The following IDUA variants were observed in gnomAD, a reference collection of about 807,000 sequenced individuals.
IDUA encodes iduronidase alpha-L-.
In IDUA, 65 loss-of-function variants were observed where a neutral mutation model predicts 68.9. The observed-to-expected ratio is 0.94, with a 90% CI of 0.77 to 1.16. IDUA has a LOEUF of 1.16. IDUA is among the 50% of genes most tolerant of loss of function. The pLI, the probability that IDUA is intolerant of heterozygous loss-of-function variation, is 0.00. For missense variants in IDUA, 1,046 were observed against 938.0 expected, an observed-to-expected ratio of 1.12 and a Z score of -1.50; for synonymous variants, 529 against 433.6, an observed-to-expected ratio of 1.22 and a Z score of -2.73.
At position 1,001,583 on chromosome 4, in the gene IDUA, G is replaced by T; in HGVS notation, c.589+20G>T. On this transcript the variant is annotated intron_variant, in intron 5 of 13. Transcript: ENST00000514224. Reference sequence around the variant, plus strand: ...TGCAAGGTGTGCACCGCTTCCTGGGGTCCTGCCCGGCTGAAAGGGGGCAGA... The same window carrying T: ...TGCAAGGTGTGCACCGCTTCCTGGGTTCCTGCCCGGCTGAAAGGGGGCAGA... 6.2e-7 allele frequency: 1 copy of T among 1,612,208 alleles called. No homozygotes were observed. The highest frequency in any genetic ancestry group is 8.5e-7 in the Non-Finnish European group (1 of 1,179,338).
Position 1,004,490 on chromosome 4 carries a change from T to G in IDUA, c.*97T>G. The G allele has an allele frequency of 1.2e-5, 13 of 1,129,602 alleles. No individual in the cohort carries two copies. Among genetic ancestry groups the G allele is most frequent in the African/African-American group, 1.6e-5 (1 of 63,358 alleles). The allele number at this position is 1,129,602 out of a possible 1,614,324, so 70.0% of individuals were successfully genotyped here. ...TGCCCTCCCATCACCCCCTTTGCAATATATTTTTATATTTTATTATTTTCT... is the reference window on the plus strand; with the variant it reads ...TGCCCTCCCATCACCCCCTTTGCAAGATATTTTTATATTTTATTATTTTCT... On this transcript the variant is annotated 3_prime_UTR_variant, in exon 14 of 14. Transcript: ENST00000514224. The surrounding 1 kb of genome is among the most constrained non-coding windows in gnomAD (Gnocchi z 5.0).
intron 2 of IDUA, chr4:989,578 AG>A (rs779826604): frequency 5.0e-6 from 8 of 1,596,206 alleles, no homozygotes; most frequent in Non-Finnish European, 6.8e-6. Flanking sequence ...CACCTTGCGC[AG>A]GGCCCCCCGC....
chr4:988,607 G>T, intron 2 of IDUA: 2 of 1,374,614 alleles, frequency 1.5e-6, no homozygotes, highest in Non-Finnish European at 1.9e-6. Flanking sequence ...CTGTGGGCCA[G>T]CCTGTCTCGG....
At chr4:992,186 AAGCCTGAGTCC>A in intron 2 of IDUA, 1 of 461,288 alleles carries the variant, frequency 2.2e-6, no homozygotes, top group South Asian at 1.5e-5. Flanking sequence ...AGGTGCAGGC[AAGCCTGAGTCC>A]AGCTGCTCCG....
chr4:1,000,808 G>A, intron 3 of IDUA, 74 bp from the exon 4 acceptor site: 1 of 1,506,626 alleles, frequency 6.6e-7, no homozygotes, highest in East Asian at 2.3e-5. Flanking sequence ...GCTGGCCTTG[G>A]TGCCGGAGCA....
At chr4:987,021 T>C (rs1473070711), upstream of IDUA, 3 of 1,306,240 alleles carry the variant, frequency 2.3e-6, no homozygotes, top group Admixed American at 2.3e-5. Flanking sequence ...GCGCCCAGAC[T>C]CCGACCCGGA....
chr4:1,000,814 G>A (rs1325692104), intron 3 of IDUA, 68 bp from the exon 4 acceptor site: 6 of 1,516,712 alleles, frequency 4.0e-6, no homozygotes, highest in East Asian at 2.3e-5. Context: ...CTTGGTGCCG[G>A]AGCACAGGCC....
chr4:1,004,460 C>A lies in IDUA; in HGVS notation c.*67C>A. On this transcript the variant is annotated 3_prime_UTR_variant, in exon 14 of 14. Transcript: ENST00000514224. The surrounding 1 kb of genome is among the most constrained non-coding windows in gnomAD (Gnocchi z 5.0). ...CAGCGAGCTGGGGCTGCACTGTGCC[C>A]ATGCTGCCCTCCCATCACCCCCTTT... is the stretch of plus-strand genomic sequence containing the variant. The A allele has an allele frequency of 6.6e-7, 1 of 1,511,432 alleles. No homozygotes were observed. Among genetic ancestry groups the A allele is most frequent in the South Asian group, 1.1e-5 (1 of 88,668 alleles). The allele number at this position is 1,511,432 out of a possible 1,614,324, so 93.6% of individuals were successfully genotyped here.
At chr4:1,001,316 C>T in intron 4 of IDUA, 152 bp from the exon 5 acceptor site, 2 of 765,946 alleles carry the variant, frequency 2.6e-6, no homozygotes, top group South Asian at 1.5e-5. Context: ...CCCCTTGAGC[C>T]AGCGCTTCCT....
Position 1,003,122 on chromosome 4 carries a change from A to G in IDUA, c.1489A>G (p.Thr497Ala), listed in dbSNP as rs1395863303. ...GCGCCTGGGCCGGCCCGTCTTCCCCACGGCAGAGCAGTTCCGGCGCATGCG... is the reference window on the plus strand; with the variant it reads ...GCGCCTGGGCCGGCCCGTCTTCCCCGCGGCAGAGCAGTTCCGGCGCATGCG... ...WRRLGRPVFP[T>A]AEQFRRMRAA... is the part of the protein sequence containing the mutation. The change falls in exon 10 of 14, where the codon ACG becomes GCG. Residue 497 changes from threonine (T) to alanine (A), a missense_variant. Transcript: ENST00000514224. The G allele has an allele frequency of 1.4e-6, 2 of 1,470,318 alleles. No individual in the cohort carries two copies. The highest frequency in any genetic ancestry group is 3.1e-5 in the East Asian group (1 of 32,266). 91.1% of individuals were successfully genotyped at this position (1,470,318 alleles called of 1,614,324 possible). A position where few individuals can be genotyped will look rare whatever the true frequency, so the allele number is the denominator to read the frequency against.
intron 2 of IDUA, chr4:990,716 C>T: frequency 2.4e-6 from 1 of 410,866 alleles, no homozygotes; most frequent in Non-Finnish European, 4.4e-6. Context: ...CCCACTGCCC[C>T]CCATGCAGAT....
chr4:1,002,097 T>A lies in IDUA; in HGVS notation c.908T>A (p.Leu303Gln). The change falls in exon 7 of 14, where the codon CTG becomes CAG. Residue 303 changes from leucine (L) to glutamine (Q), a missense_variant. Physicochemically the swap from Leu to Gln is moderately radical, Grantham distance 113 (BLOSUM62 -2). Coordinates refer to ENST00000514224, the MANE Select transcript of IDUA (RefSeq NM_000203.5). ...TPIYNDEADPLVGWSLPQPWR... is the reference protein window; with the variant it reads ...TPIYNDEADPQVGWSLPQPWR... Reference sequence around the variant, plus strand: ...ATTTACAACGACGAGGCGGACCCGCTGGTGGGCTGGTCCCTGCCACAGCCG... The same window carrying A: ...ATTTACAACGACGAGGCGGACCCGCAGGTGGGCTGGTCCCTGCCACAGCCG... The A allele has an allele frequency of 6.4e-7, 1 of 1,574,410 alleles. No homozygotes were observed. Among genetic ancestry groups the A allele is most frequent in the Non-Finnish European group, 8.6e-7 (1 of 1,160,972 alleles).
At chr4:1,002,245 C>T (rs1715133972) in intron 7 of IDUA, 24 bp from the exon 8 acceptor site, 1 of 1,600,656 alleles carries the variant, frequency 6.2e-7, no homozygotes, top group African/African-American at 1.3e-5. Flanking sequence ...GCCACCCGGT[C>T]CCAGCTGCCC....
At chr4:997,942 C>T (rs546919989) in intron 2 of IDUA, among the ~76,000 whole-genome samples, 2 of 152,376 alleles carry the variant, frequency 1.3e-5, no homozygotes, top group South Asian at 2.1e-4. Flanking sequence ...GCCGGGCTAT[C>T]GCCTTGGGGT....
In IDUA at chr4:996,545, A is replaced by G. The variant is rs377414641; in HGVS notation, c.300-4067A>G. 4.9e-3 allele frequency among the ~76,000 whole-genome samples: 749 copies of G among 152,152 alleles called. 35 individuals are homozygous for G. In the South Asian group the frequency reaches 0.1, roughly 21 times the overall value. On this transcript the variant is annotated intron_variant, in intron 2 of 13. Transcript: ENST00000514224. ...GGCTGGCTTATGGGGACCTGTGGTG[A>G]GGTTTTAGGCAGGTGAGCGTAGTTC...
chr4:988,412 C>A, intron 2 of IDUA: 1 of 1,064,962 alleles, frequency 9.4e-7, no homozygotes, highest in Non-Finnish European at 1.1e-6. Context: ...GTGCACTTGG[C>A]CAGAGCCGCT....
chr4:1,002,287 A>G lies in IDUA; in HGVS notation c.991A>G (p.Asn331Asp), dbSNP rs776395091. 9 of 1,612,362 alleles carry G rather than the reference A, an allele frequency of 5.6e-6. No homozygotes were observed. The highest frequency in any genetic ancestry group is 7.6e-6 in the Non-Finnish European group (9 of 1,179,482). The part of the protein sequence containing the change: ...MVVKVIAQHQ[N>D]LLLANTTSAF... ...CCCGCAGGTCATCGCGCAGCATCAG[A>G]ACCTGCTACTGGCCAACACCACCTC... Residue 331 changes from asparagine to aspartate, a missense_variant, in exon 8 of 14, where the codon AAC (asparagine) becomes GAC (aspartate). Physicochemically the swap from Asn to Asp is conservative, Grantham distance 23. Coordinates refer to ENST00000514224, the MANE Select transcript of IDUA (RefSeq NM_000203.5).
intron 1 of IDUA, 152 bp downstream of exon 1, chr4:987,394 G>C (rs1313251980): frequency 4.7e-6 from 4 of 852,466 alleles, no homozygotes; most frequent in Non-Finnish European, 6.8e-6. Context: ...TTGTGGGTGG[G>C]TCCTCCACCT....
intron 1 of IDUA, 58 bp downstream of exon 1, chr4:987,300 C>A: frequency 6.9e-7 from 1 of 1,442,850 alleles, no homozygotes; most frequent in South Asian, 1.2e-5. Flanking sequence ...TCGGGCGCCC[C>A]CTGACTGCGC....
Sources: gnomAD v4.1 joint callset for allele counts (sites outside exome capture counted in the v4.1 genomes callset) on GRCh38, gnomAD v4.1.1 for gene constraint, Gnocchi (gnomAD v3.1) non-coding constraint, MANE v1.5 for transcripts, NCBI Gene and HGNC (gene_info 2026-07-23, HGNC 2026-07-21) for gene names.